COL25A1: variants seen among roughly 807,000 people sequenced by gnomAD.
COL25A1 encodes collagen alpha-1(XXV) chain.
A neutral mutation model predicts 128.4 loss-of-function variants in COL25A1; 103 were observed. The observed-to-expected ratio is 0.80, with a 90% CI of 0.68 to 0.94. The LOEUF (loss-of-function observed/expected upper bound fraction) is 0.94, where lower values mean the gene tolerates loss of function less well. COL25A1 is among the 40% of genes least tolerant of loss of function. The pLI is 0.00. For synonymous variants in COL25A1, 279 were observed against 277.2 expected, an observed-to-expected ratio of 1.01 and a Z score of -0.06; for missense variants, 745 against 840.0, an observed-to-expected ratio of 0.89 and a Z score of 1.40.
At position 109,041,077 on chromosome 4, in the gene COL25A1, T is replaced by A. The variant is rs552382371; in HGVS notation, c.420+7091A>T. 2.6e-5 allele frequency among the ~76,000 whole-genome samples: 4 copies of A among 152,190 alleles called. No homozygotes were observed. In the East Asian group the frequency reaches 7.7e-4, roughly 29 times the overall value. On this transcript the variant is annotated intron_variant, in intron 5 of 37. Transcript: ENST00000399132. ...TAAAAATTAAACTTTATCCTGAAAC[T>A]ATTGGGAATATAAAACCAGACACAT...
intron 5 of COL25A1, among the ~76,000 whole-genome samples, chr4:109,012,540 C>T (rs1049261330): frequency 2.0e-5 from 3 of 152,140 alleles, no homozygotes; most frequent in South Asian, 4.1e-4. Flanking sequence ...TCCAGGTGGG[C>T]GCGGGCTTGG....
At chr4:109,073,985 C>A (rs1763191327) in intron 3 of COL25A1, among the ~76,000 whole-genome samples, 2 of 152,282 alleles carry the variant, frequency 1.3e-5, no homozygotes, top group Admixed American at 6.5e-5. Context: ...GGTCCCCAAC[C>A]TTTTTGGCAC....
intron 3 of COL25A1, among the ~76,000 whole-genome samples, chr4:109,219,652 C>G (rs1778281545): frequency 6.6e-6 from 1 of 152,144 alleles, no homozygotes; most frequent in South Asian, 2.1e-4. Flanking sequence ...CTATTATTTT[C>G]CATAAACTTA....
At chr4:109,202,786 T>C (rs1214550482) in intron 3 of COL25A1, among the ~76,000 whole-genome samples, 1 of 152,188 alleles carries the variant, frequency 6.6e-6, no homozygotes, top group Non-Finnish European at 1.5e-5. Context: ...TATGTGTGTA[T>C]ACCTATATCT....
intron 16 of COL25A1, among the ~76,000 whole-genome samples, chr4:108,894,639 T>C (rs1239720624): frequency 6.6e-6 from 1 of 152,194 alleles, no homozygotes; most frequent in Non-Finnish European, 1.5e-5. Context: ...GTTGAGTAGC[T>C]GTGACAGAGA....
intron 35 of COL25A1, among the ~76,000 whole-genome samples, chr4:108,820,301 C>T (rs555981969): frequency 1.3e-5 from 2 of 152,270 alleles, no homozygotes; most frequent in African/African-American, 4.8e-5. Flanking sequence ...CAATACCTGT[C>T]ACCTTGCTTT....
At chr4:109,078,125 T>G (rs986410641) in intron 3 of COL25A1, among the ~76,000 whole-genome samples, 1 of 152,210 alleles carries the variant, frequency 6.6e-6, no homozygotes, top group Non-Finnish European at 1.5e-5. Flanking sequence ...GGTTTCTCTA[T>G]TAAACTCTAA....
At position 108,862,539 on chromosome 4, in the gene COL25A1, G is replaced by C; in HGVS notation, c.1159C>G (p.Gln387Glu). The change falls in exon 22 of 38, where the codon CAA (glutamine) becomes GAA (glutamate). Residue 387 changes from glutamine to glutamate, a missense_variant. Gln to Glu is a conservative substitution (Grantham distance 29). Transcript: ENST00000399132. Reference protein sequence around the residue: ...EPGAPGPKGKQGESGTRGPKG... With the variant: ...EPGAPGPKGKEGESGTRGPKG... The stretch of plus-strand genomic sequence containing the variant: ...GGGCCTCTAGTTCCTGATTCACCTT[G>C]TTTCCCCTATTACAGCAGAATAAGA... The C allele has an allele frequency of 6.2e-7, 1 of 1,611,444 alleles. No homozygotes were observed. Among genetic ancestry groups the C allele is most frequent in the African/African-American group, 1.3e-5 (1 of 74,978 alleles).
chr4:108,982,210 C>A (rs777373359), intron 6 of COL25A1, among the ~76,000 whole-genome samples: 1 of 152,078 alleles, frequency 6.6e-6, no homozygotes, highest in Non-Finnish European at 1.5e-5. Flanking sequence ...CACACACACA[C>A]AAACAAAACA....
chr4:109,286,660 T>G (rs958783826), intron 3 of COL25A1, among the ~76,000 whole-genome samples: 1 of 152,164 alleles, frequency 6.6e-6, no homozygotes, highest in Non-Finnish European at 1.5e-5. Flanking sequence ...AACTGGCATC[T>G]AGTGGATAGA....
intron 3 of COL25A1, among the ~76,000 whole-genome samples, chr4:109,259,586 C>T (rs771836440): frequency 6.6e-6 from 1 of 152,114 alleles, no homozygotes; most frequent in Non-Finnish European, 1.5e-5. Flanking sequence ...AAGGCATTAC[C>T]CTAGTTTTGC....
chr4:109,206,249 C>T (rs190789505), intron 3 of COL25A1, among the ~76,000 whole-genome samples: 66 of 152,192 alleles, frequency 4.3e-4, no homozygotes, highest in African/African-American at 1.5e-3. Context: ...TTATAAAGTA[C>T]TTTTATCTAT....
intron 3 of COL25A1, among the ~76,000 whole-genome samples, chr4:109,088,123 A>G (rs2126004099): frequency 6.6e-6 from 1 of 152,008 alleles, no homozygotes; most frequent in African/African-American, 2.4e-5. Flanking sequence ...GGCATATTTT[A>G]TGCTGCTCTT....
intron 29 of COL25A1, 129 bp from the exon 30 acceptor site, chr4:108,844,698 G>A (rs1383927813): frequency 1.5e-6 from 2 of 1,291,936 alleles, no homozygotes; most frequent in Admixed American, 3.2e-5. Context: ...TAGAATAAGT[G>A]ATGTGTTTGA....
At chr4:109,139,625 T>C (rs1030859772) in intron 3 of COL25A1, among the ~76,000 whole-genome samples, 3 of 152,180 alleles carry the variant, frequency 2.0e-5, no homozygotes, top group African/African-American at 7.2e-5. Context: ...AAAGATCAGA[T>C]GGTTGTAGAT....
At chr4:108,825,171 G>A in intron 34 of COL25A1, 25 bp downstream of exon 34, 1 of 1,579,302 alleles carries the variant, frequency 6.3e-7, no homozygotes, top group Non-Finnish European at 8.7e-7. Context: ...ATAATAGGAT[G>A]ATGTTTATTG....
At chr4:108,950,275 G>A (rs1315521273) in intron 8 of COL25A1, among the ~76,000 whole-genome samples, 1 of 152,302 alleles carries the variant, frequency 6.6e-6, no homozygotes, top group East Asian at 1.9e-4. Context: ...TAGTCTCTGA[G>A]AGCAAAGAGG....
At chr4:108,981,665 A>G (rs80340252) in intron 6 of COL25A1, among the ~76,000 whole-genome samples, 22,584 of 152,182 alleles carry the variant, frequency 0.15, 2,383 homozygotes, top group East Asian at 0.47. Flanking sequence ...AATCCTGGCT[A>G]CAATCACCTG....
chr4:109,164,044 GT>G (rs143758299), intron 3 of COL25A1, among the ~76,000 whole-genome samples: 27 of 148,750 alleles, frequency 1.8e-4, no homozygotes, highest in East Asian at 7.9e-4. Flanking sequence ...GAATTACAAG[GT>G]TTTTTTTTTA....
Sources: gnomAD v4.1 joint callset for allele counts (sites outside exome capture counted in the v4.1 genomes callset) on GRCh38, gnomAD v4.1.1 for gene constraint, MANE v1.5 for transcripts, NCBI Gene and HGNC (gene_info 2026-07-23, HGNC 2026-07-21) for gene names.